The following STPG2 variants were observed in gnomAD, a reference collection of about 807,000 sequenced individuals.
The protein encoded by STPG2 is sperm tail PG-rich repeat containing 2.
In STPG2, 56 loss-of-function variants were observed where a neutral mutation model predicts 54.2. That is an observed-to-expected ratio of 1.03 (90% confidence interval 0.83 to 1.29). The LOEUF (loss-of-function observed/expected upper bound fraction) is 1.29. Ranked by LOEUF, STPG2 falls within the 50% of genes most tolerant of loss-of-function variation. The pLI is 0.00. For missense variants in STPG2, 596 were observed against 544.9 expected, an observed-to-expected ratio of 1.09 and a Z score of -0.93; for synonymous variants, 200 against 181.8, an observed-to-expected ratio of 1.10 and a Z score of -0.81.
chr4:97,906,750 A>G (rs910656278), intron 8 of STPG2, among the ~76,000 whole-genome samples: 4 of 152,114 alleles, frequency 2.6e-5, no homozygotes, highest in Non-Finnish European at 5.9e-5. Flanking sequence ...ATATAAACAG[A>G]GCCAAAGACA....
At chr4:97,672,166 C>CTTTTTTTTTTTT (rs70953079) in intron 10 of STPG2, among the ~76,000 whole-genome samples, 1 of 80,686 alleles carries the variant, frequency 1.2e-5, no homozygotes, top group Non-Finnish European at 2.3e-5. Context: ...ACTGGTAATT[C>CTTTTTTTTTTTT]TTTTTTTTTT....
intron 4 of STPG2, among the ~76,000 whole-genome samples, chr4:97,473,741 G>A (rs1234185004): frequency 2.6e-5 from 4 of 151,992 alleles, no homozygotes; most frequent in Non-Finnish European, 5.9e-5. Context: ...ACGGCTCAGG[G>A]GGCATCACGG....
chr4:98,027,532 C>A (rs114661039), intron 5 of STPG2, among the ~76,000 whole-genome samples: 485 of 152,230 alleles, frequency 3.2e-3, no homozygotes, highest in Non-Finnish European at 5.1e-3. Flanking sequence ...AAATTCATCT[C>A]CATCTGTAGA....
At chr4:98,113,376 A>C (rs946857592) in intron 3 of STPG2, among the ~76,000 whole-genome samples, 12 of 149,344 alleles carry the variant, frequency 8.0e-5, no homozygotes, top group Non-Finnish European at 1.7e-4. Flanking sequence ...AGTTACAGAC[A>C]AAAAAAAATG....
intron 5 of STPG2, among the ~76,000 whole-genome samples, chr4:98,091,420 A>T (rs1469394731): frequency 6.6e-6 from 1 of 152,028 alleles, no homozygotes; most frequent in East Asian, 1.9e-4. Context: ...ACAAATCCTC[A>T]TTGCCTGGAA....
chr4:97,610,430 C>A (rs912764092), intron 10 of STPG2, among the ~76,000 whole-genome samples: 8 of 152,088 alleles, frequency 5.3e-5, no homozygotes, highest in Admixed American at 2.6e-4. Context: ...ATTGAGACTA[C>A]AAAACCAATA....
At chr4:97,707,075 G>A (rs980101526) in intron 10 of STPG2, among the ~76,000 whole-genome samples, 1 of 152,098 alleles carries the variant, frequency 6.6e-6, no homozygotes, top group Non-Finnish European at 1.5e-5. Flanking sequence ...AGATCTAGCA[G>A]GTAATTAAAG....
intron 10 of STPG2, among the ~76,000 whole-genome samples, chr4:97,622,088 C>T (rs1048629036): frequency 2.6e-5 from 4 of 151,950 alleles, no homozygotes; most frequent in Admixed American, 1.3e-4. Context: ...CGCTTCATAT[C>T]GAACATCTCA....
chr4:97,918,150 T>G (rs1405763280), intron 8 of STPG2, among the ~76,000 whole-genome samples: 1 of 151,438 alleles, frequency 6.6e-6, no homozygotes, highest in East Asian at 1.9e-4. Context: ...CATAAAAGAC[T>G]TATTAGACTG....
intron 4 of STPG2, among the ~76,000 whole-genome samples, chr4:97,480,936 A>C (rs1730205450): frequency 6.6e-6 from 1 of 151,576 alleles, no homozygotes; most frequent in Non-Finnish European, 1.5e-5. Context: ...CAAAATTATC[A>C]ACTTTTTATT....
chr4:98,052,434 T>C (rs1578815323), intron 5 of STPG2, among the ~76,000 whole-genome samples: 1 of 152,214 alleles, frequency 6.6e-6, no homozygotes. Context: ...TGCCTCCTGC[T>C]CCACCCCAAG....
intron 4 of STPG2, among the ~76,000 whole-genome samples, chr4:97,495,845 G>T (rs1262693782): frequency 6.6e-6 from 1 of 151,364 alleles, no homozygotes; most frequent in Non-Finnish European, 1.5e-5. Context: ...ATAAATGGCT[G>T]AATTAATTTA....
intron 10 of STPG2, among the ~76,000 whole-genome samples, chr4:97,626,674 C>T (rs1479378584): frequency 5.3e-5 from 8 of 152,108 alleles, no homozygotes; most frequent in African/African-American, 1.9e-4. Flanking sequence ...TCCTCCTTCT[C>T]TTCCTCCTTT....
At chr4:98,017,142 G>C (rs1300668312) in intron 5 of STPG2, among the ~76,000 whole-genome samples, 2 of 152,222 alleles carry the variant, frequency 1.3e-5, no homozygotes, top group African/African-American at 2.4e-5. Flanking sequence ...GGGCCAGACT[G>C]GTACCTCAGT....
chr4:97,489,285 A>C (rs1439547193), intron 4 of STPG2, among the ~76,000 whole-genome samples: 1 of 151,678 alleles, frequency 6.6e-6, no homozygotes, highest in Non-Finnish European at 1.5e-5. Flanking sequence ...CATTGTGAAA[A>C]CAGACTAATA....
intron 5 of STPG2, among the ~76,000 whole-genome samples, chr4:98,096,821 A>G (rs192395126): frequency 6.6e-6 from 1 of 152,292 alleles, no homozygotes; most frequent in Non-Finnish European, 1.5e-5. Flanking sequence ...GCAGAAATTC[A>G]AAGGATCATT....
At chr4:98,086,995 C>T (rs1315588277) in intron 5 of STPG2, among the ~76,000 whole-genome samples, 1 of 152,128 alleles carries the variant, frequency 6.6e-6, no homozygotes, top group African/African-American at 2.4e-5. Context: ...GTCAACAGCA[C>T]ACAAACATAC....
chr4:97,758,059 G>C (rs1725783245), intron 9 of STPG2, among the ~76,000 whole-genome samples: 1 of 152,138 alleles, frequency 6.6e-6, no homozygotes, highest in African/African-American at 2.4e-5. Context: ...TAGGCTCTAG[G>C]GGTTTCTGAA....
chr4:97,592,511 A>C (rs1386822245), intron 10 of STPG2, among the ~76,000 whole-genome samples: 1 of 152,156 alleles, frequency 6.6e-6, no homozygotes, highest in Non-Finnish European at 1.5e-5. Context: ...TAATTAAACA[A>C]AGTTAAGAAT....
Sources: gnomAD v4.1 joint callset for allele counts (sites outside exome capture counted in the v4.1 genomes callset) on GRCh38, gnomAD v4.1.1 for gene constraint, MANE v1.5 for transcripts, NCBI Gene and HGNC (gene_info 2026-07-23, HGNC 2026-07-21) for gene names.